The following LUC7L2 variants were observed in gnomAD, a reference collection of about 807,000 sequenced individuals.
LUC7L2 encodes the protein LUC7 like 2, pre-mRNA splicing factor.
In LUC7L2, 25 loss-of-function variants were observed where a neutral mutation model predicts 52.8. That is an observed-to-expected ratio of 0.47 (90% CI 0.34 to 0.66). The LOEUF is 0.66. LUC7L2 is among the 30% of genes least tolerant of loss of function. LUC7L2 has a pLI of 0.01. For synonymous variants in LUC7L2, 144 were observed against 160.9 expected, an observed-to-expected ratio of 0.89 and a Z score of 0.80; for missense variants, 328 against 497.8, an observed-to-expected ratio of 0.66 and a Z score of 3.25.
intron 2 of LUC7L2, among the ~76,000 whole-genome samples, chr7:139,391,847 A>G (rs1047613644): frequency 2.6e-5 from 4 of 152,132 alleles, no homozygotes; most frequent in Non-Finnish European, 4.4e-5. Context: ...TCAGGCTCCC[A>G]TAGTGCTGGG....
chr7:139,380,414 A>G (rs1490463493), intron 2 of LUC7L2, among the ~76,000 whole-genome samples: 2 of 151,940 alleles, frequency 1.3e-5, no homozygotes, highest in Non-Finnish European at 2.9e-5. Flanking sequence ...CCTGGCCAAC[A>G]TGTTGAAATC....
intron 1 of LUC7L2, among the ~76,000 whole-genome samples, chr7:139,347,199 C>A (rs904790857): frequency 6.6e-6 from 1 of 152,184 alleles, no homozygotes; most frequent in Non-Finnish European, 1.5e-5. Context: ...TTCCAAAGCA[C>A]CTTCCACAGT....
In LUC7L2 at chr7:139,360,194, T is replaced by G; in HGVS notation, c.-68T>G. On this transcript the variant is annotated 5_prime_UTR_variant, in exon 1 of 10. Coordinates refer to ENST00000354926, the MANE Select transcript of LUC7L2 (RefSeq NM_016019.5). The stretch of plus-strand genomic sequence containing the variant: ...GCGCACCTTCCCCCATCCCTTCCCC[T>G]TATCCCCCAGCCCAAAAGGGCCCGG... 1.0e-5 allele frequency: 11 copies of G among 1,099,660 alleles called. No homozygotes were observed. The highest frequency in any genetic ancestry group is 1.3e-5 in the Non-Finnish European group (10 of 756,266). The allele number at this position is 1,099,660 out of a possible 1,614,324, so 68.1% of individuals were successfully genotyped here.
intron 1 of LUC7L2, among the ~76,000 whole-genome samples, chr7:139,371,634 T>G (rs1451487661): frequency 2.0e-5 from 3 of 152,156 alleles, no homozygotes. Context: ...AGGCTAAGGT[T>G]GTAATGTTAC....
At chr7:139,397,251 A>G (rs1288527998) in intron 2 of LUC7L2, among the ~76,000 whole-genome samples, 2 of 152,170 alleles carry the variant, frequency 1.3e-5, no homozygotes, top group Non-Finnish European at 2.9e-5. Context: ...TTTTCCTAAG[A>G]TTCATTTGCT....
At chr7:139,350,726 A>C (rs1403092542) in intron 1 of LUC7L2, among the ~76,000 whole-genome samples, 1 of 149,168 alleles carries the variant, frequency 6.7e-6, no homozygotes, top group Non-Finnish European at 1.5e-5. Flanking sequence ...GCCAGGCTGG[A>C]GTGCAGTGGT....
At chr7:139,361,125 C>G (rs964037595) in intron 1 of LUC7L2, among the ~76,000 whole-genome samples, 2 of 152,296 alleles carry the variant, frequency 1.3e-5, no homozygotes, top group East Asian at 3.9e-4. Flanking sequence ...GCTGGATTAT[C>G]CTTTGTCATA....
intron 3 of LUC7L2, among the ~76,000 whole-genome samples, chr7:139,401,918 TA>T (rs1554395464): frequency 6.6e-6 from 1 of 152,000 alleles, no homozygotes. Context: ...CCCACCTGGC[TA>T]AATTTGGATT....
chr7:139,403,029 C>T (rs1794984355), intron 4 of LUC7L2, among the ~76,000 whole-genome samples: 1 of 152,168 alleles, frequency 6.6e-6, no homozygotes, highest in South Asian at 2.1e-4. Context: ...AAATGAAATC[C>T]TGTGTACGCT....
chr7:139,405,537 A>T, intron 4 of LUC7L2, 107 bp from the exon 5 acceptor site: 1 of 1,350,304 alleles, frequency 7.4e-7, no homozygotes, highest in Non-Finnish European at 9.9e-7. Context: ...TTCTTTAACC[A>T]CATACTGCCT....
chr7:139,396,260 C>T (rs181349986), intron 2 of LUC7L2, among the ~76,000 whole-genome samples: 1 of 151,964 alleles, frequency 6.6e-6, no homozygotes, highest in Non-Finnish European at 1.5e-5. Context: ...CAAGATAGCA[C>T]CCTTTGTCTC....
intron 1 of LUC7L2, chr7:139,374,705 T>C (rs1319297849): frequency 7.5e-7 from 1 of 1,326,600 alleles, no homozygotes; most frequent in African/African-American, 1.5e-5. Flanking sequence ...GTTAAAATTT[T>C]ATATACCCTG....
At chr7:139,403,487 T>A (rs750304421) in intron 4 of LUC7L2, among the ~76,000 whole-genome samples, 12 of 152,194 alleles carry the variant, frequency 7.9e-5, no homozygotes, top group Non-Finnish European at 1.3e-4. Context: ...TTCCATCGTT[T>A]GAGAAAAGGG....
At chr7:139,341,297 G>C in intron 1 of LUC7L2, 1 of 1,523,450 alleles carries the variant, frequency 6.6e-7, no homozygotes, top group South Asian at 1.2e-5. Flanking sequence ...TAGTCTGTCC[G>C]ACCGTACCAT....
intron 2 of LUC7L2, 133 bp downstream of exon 2, chr7:139,376,289 A>G (rs901386319): frequency 4.4e-6 from 4 of 900,876 alleles, no homozygotes; most frequent in East Asian, 5.5e-5. Context: ...TTGTTTATTC[A>G]GGATGATTAC....
intron 5 of LUC7L2, among the ~76,000 whole-genome samples, chr7:139,406,024 C>T (rs10249815): frequency 0.086 from 13,104 of 152,126 alleles, 1,898 homozygotes; most frequent in African/African-American, 0.3. Flanking sequence ...TAAGGTGGAT[C>T]GCTTGAGTCC....
intron 1 of LUC7L2, among the ~76,000 whole-genome samples, chr7:139,372,785 T>G (rs895001370): frequency 6.6e-6 from 1 of 152,000 alleles, no homozygotes; most frequent in African/African-American, 2.4e-5. Flanking sequence ...ACAAAAAAAT[T>G]TAAAAAATTA....
At chr7:139,359,662 C>G (rs953607023), upstream of LUC7L2, 25 of 397,664 alleles carry the variant, frequency 6.3e-5, no homozygotes, top group Non-Finnish European at 8.9e-5. Context: ...GCCCTACAGC[C>G]GGGAGGGAAT....
chr7:139,352,510 T>C (rs995919408), intron 1 of LUC7L2, among the ~76,000 whole-genome samples: 3 of 152,102 alleles, frequency 2.0e-5, no homozygotes, highest in African/African-American at 7.2e-5. Flanking sequence ...ATATAAATTA[T>C]TTTAAAAAGT....
Sources: allele counts gnomAD v4.1 joint callset (sites outside exome capture counted in the v4.1 genomes callset), GRCh38; gene constraint gnomAD v4.1.1; transcripts MANE v1.5; gene names NCBI Gene and HGNC (gene_info 2026-07-23, HGNC 2026-07-21).